RIF1: variants seen among roughly 807,000 people sequenced by gnomAD.
The protein encoded by RIF1 is telomere-associated protein RIF1.
A neutral mutation model predicts 247.1 loss-of-function variants in RIF1; 45 were observed. The observed-to-expected ratio is 0.18, with a 90% confidence interval of 0.14 to 0.23. The LOEUF (loss-of-function observed/expected upper bound fraction) is 0.23, where lower values mean the gene tolerates loss of function less well. Among genes scored for constraint, RIF1 ranks in the 10% least tolerant of loss-of-function variants. The pLI, the probability that RIF1 is intolerant of heterozygous loss-of-function variation, is 1.00. For missense variants in RIF1, 2,967 were observed against 2,862.5 expected, an observed-to-expected ratio of 1.04 and a Z score of -0.83; for synonymous variants, 1,087 against 978.8, an observed-to-expected ratio of 1.11 and a Z score of -2.06.
chr2:151,507,114 A>G (rs1347430801), intron 13 of RIF1: 7 of 745,698 alleles, frequency 9.4e-6, no homozygotes, highest in Admixed American at 2.7e-5. Context: ...TGTATCTTTA[A>G]AAAAAAGTCT....
chr2:151,508,160 G>C (rs963474737), downstream of RIF1: 6 of 1,276,532 alleles, frequency 4.7e-6, no homozygotes, highest in Non-Finnish European at 6.7e-6. Context: ...AGGGATATAG[G>C]CCAATGGGAC....
chr2:151,474,767 C>A, intron 35 of RIF1, 90 bp from the exon 36 acceptor site: 1 of 749,454 alleles, frequency 1.3e-6, no homozygotes, highest in Non-Finnish European at 2.2e-6. Context: ...AATTTGAAAC[C>A]TAGGCACTTG....
intron 9 of RIF1, chr2:151,491,562 T>C: frequency 1.2e-6 from 1 of 824,596 alleles, no homozygotes. Context: ...TTATGCCAAA[T>C]GGGCAGCTCA....
intron 6 of RIF1, among the ~76,000 whole-genome samples, chr2:151,418,613 ACCTGTAATC>A (rs1474404946): frequency 6.6e-6 from 1 of 151,426 alleles, no homozygotes; most frequent in African/African-American, 2.4e-5. Flanking sequence ...TTTGGCTCAC[ACCTGTAATC>A]CCAGAACTTT....
intron 20 of RIF1, among the ~76,000 whole-genome samples, chr2:151,451,306 G>T (rs1309603827): frequency 1.3e-5 from 2 of 152,172 alleles, no homozygotes; most frequent in African/African-American, 4.8e-5. Flanking sequence ...CTATACAGGT[G>T]CCTAGGCTAT....
intron 27 of RIF1, 60 bp downstream of exon 27, chr2:151,461,349 G>C (rs1696123284): frequency 6.8e-7 from 1 of 1,473,134 alleles, no homozygotes; most frequent in Non-Finnish European, 9.3e-7. Flanking sequence ...TTTCATGCAA[G>C]AAAAGTGTAA....
At chr2:151,499,575 T>G (rs1177609979) in intron 11 of RIF1, 1 of 468,122 alleles carries the variant, frequency 2.1e-6, no homozygotes, top group African/African-American at 2.1e-5. Context: ...TAGTGAAATA[T>G]CAGTGTATTT....
In RIF1 at chr2:151,443,725, G is replaced by T. The variant is rs2152393762; in HGVS notation, c.1986+16G>T. The T allele has an allele frequency of 6.9e-7, 1 of 1,455,802 alleles. No homozygotes were observed. The highest frequency in any genetic ancestry group is 2.6e-5 in the East Asian group (1 of 39,028). The allele number at this position is 1,455,802 out of a possible 1,614,324, so 90.2% of individuals were successfully genotyped here. On this transcript the variant is annotated intron_variant, in intron 18 of 35. Transcript: ENST00000444746. ...GATTAATCAGGTATGAAATAAATCT[G>T]CTACGTATTTTGGATAATAGACCTT...
At chr2:151,512,462 A>G (rs971045330), downstream of RIF1, among the ~76,000 whole-genome samples, 2 of 152,018 alleles carry the variant, frequency 1.3e-5, no homozygotes, top group Non-Finnish European at 2.9e-5. Context: ...AGAAGCTGGG[A>G]CTGGCGTGCA....
At chr2:151,492,365 T>A in intron 9 of RIF1, 1 of 1,592,946 alleles carries the variant, frequency 6.3e-7, no homozygotes, top group Non-Finnish European at 8.6e-7. Context: ...AGCCAGCCAA[T>A]CCTAAAGAAT....
At position 151,410,459 on chromosome 2, in the gene RIF1, G is replaced by C. The variant is rs372130538; in HGVS notation, c.36G>C (p.Leu12=). Residue 12 remains leucine (L), a synonymous_variant, in exon 2 of 36, where the codon CTG becomes CTC. Coordinates refer to ENST00000444746, the MANE Select transcript of RIF1 (RefSeq NM_018151.5). ...TARGQSPLAP[L]LETLEDPSAS... ...GGGGTCAGAGCCCCCTCGCGCCGCT[G>C]TTGGAGACTTTGGAAGACCCTTCTG... is the stretch of plus-strand genomic sequence containing the variant. The C allele has an allele frequency of 5.0e-6, 8 of 1,614,118 alleles. No individual in the cohort carries two copies. The highest frequency in any genetic ancestry group is 2.7e-5 in the African/African-American group (2 of 75,074).
downstream of RIF1, among the ~76,000 whole-genome samples, chr2:151,483,719 A>G (rs564221629): frequency 2.0e-5 from 3 of 152,330 alleles, no homozygotes; most frequent in Non-Finnish European, 4.4e-5. Flanking sequence ...GTACAGGTCC[A>G]TGGCCTGTTA....
the RIF1 span, among the ~76,000 whole-genome samples, chr2:151,520,379 T>C: frequency 6.6e-6 from 1 of 152,126 alleles, no homozygotes; most frequent in Non-Finnish European, 1.5e-5. Context: ...AAAAGTGAGA[T>C]ACTTCAGAAT....
At chr2:151,428,116 C>T (rs1689446276) in intron 8 of RIF1, among the ~76,000 whole-genome samples, 1 of 152,118 alleles carries the variant, frequency 6.6e-6, no homozygotes, top group African/African-American at 2.4e-5. Context: ...GTAATCCCAG[C>T]TACTTGGAAG....
At chr2:151,532,253 G>A in the RIF1 span, 5 of 183,952 alleles carry the variant, frequency 2.7e-5, no homozygotes, top group South Asian at 5.9e-4. Flanking sequence ...ACATGTACTC[G>A]GAGGCCCCCA....
At chr2:151,433,879 A>G (rs989809295) in intron 10 of RIF1, among the ~76,000 whole-genome samples, 9 of 152,096 alleles carry the variant, frequency 5.9e-5, no homozygotes, top group Admixed American at 4.6e-4. Context: ...AGCATCAGTG[A>G]AATAGAAATC....
intron 18 of RIF1, among the ~76,000 whole-genome samples, chr2:151,444,178 T>C (rs1692833410): frequency 6.6e-6 from 1 of 152,184 alleles, no homozygotes. Flanking sequence ...CAAAAGTGGG[T>C]ATAGTGGCAG....
At chr2:151,466,292 A>T (rs995965148) in intron 30 of RIF1, among the ~76,000 whole-genome samples, 172 bp downstream of exon 30, 2 of 152,248 alleles carry the variant, frequency 1.3e-5, no homozygotes, top group East Asian at 3.8e-4. Flanking sequence ...TTTCGAAAAA[A>T]GGAGACTGAA....
chr2:151,503,250 C>T (rs1052141153), intron 12 of RIF1: 3 of 868,632 alleles, frequency 3.5e-6, no homozygotes, highest in Non-Finnish European at 5.6e-6. Flanking sequence ...CAGACACACA[C>T]AGAATTGCTG....
Sources: gnomAD v4.1 joint callset for allele counts (sites outside exome capture counted in the v4.1 genomes callset) on GRCh38, gnomAD v4.1.1 for gene constraint, MANE v1.5 for transcripts, NCBI Gene and HGNC (gene_info 2026-07-23, HGNC 2026-07-21) for gene names.